The following DPYD variants were observed in gnomAD, a reference collection of about 807,000 sequenced individuals.
DPYD encodes the protein dihydropyrimidine dehydrogenase [NADP(+)].
Under a neutral mutation model 116.2 loss-of-function variants are expected in DPYD, and 109 were observed. The observed-to-expected ratio is 0.94, with a 90% CI of 0.80 to 1.10. The LOEUF is 1.10. Among genes scored for constraint, DPYD ranks in the 50% least tolerant of loss-of-function variants. The pLI, the probability that DPYD is intolerant of heterozygous loss-of-function variation, is 0.00. For missense variants in DPYD, 1,302 were observed against 1,254.5 expected (o/e 1.04, Z -0.57); for synonymous variants, 440 against 432.0 (o/e 1.02, Z -0.23).
At chr1:97,785,715 C>T (rs1372987824) in intron 3 of DPYD, among the ~76,000 whole-genome samples, 10 of 92,862 alleles carry the variant, frequency 1.1e-4, no homozygotes, top group South Asian at 3.7e-4. Flanking sequence ...TTTTTTTAGA[C>T]GGAGTCTCGC....
At chr1:97,409,434 C>G (rs1206734965) in intron 14 of DPYD, among the ~76,000 whole-genome samples, 1 of 152,060 alleles carries the variant, frequency 6.6e-6, no homozygotes, top group Non-Finnish European at 1.5e-5. Context: ...TGGTAATTTG[C>G]TGGTCCTTTT....
intron 18 of DPYD, among the ~76,000 whole-genome samples, chr1:97,240,191 G>A (rs1321792923): frequency 6.6e-6 from 1 of 150,938 alleles, no homozygotes; most frequent in Admixed American, 6.6e-5. Flanking sequence ...AGATTACTTT[G>A]ACCCCAAAGG....
intron 4 of DPYD, among the ~76,000 whole-genome samples, chr1:97,737,669 A>T (rs1172857256): frequency 6.6e-6 from 1 of 152,130 alleles, no homozygotes; most frequent in Non-Finnish European, 1.5e-5. Flanking sequence ...TCTATTGGTT[A>T]CATTTCTGCT....
intron 8 of DPYD, among the ~76,000 whole-genome samples, chr1:97,664,692 G>A (rs77661969): frequency 0.013 from 1,992 of 152,000 alleles, 21 homozygotes; most frequent in Middle Eastern, 0.024. Flanking sequence ...CATATAACTC[G>A]TTGATTTTAG....
chr1:97,667,062 C>CT (rs1390663950), intron 8 of DPYD, among the ~76,000 whole-genome samples: 2 of 152,128 alleles, frequency 1.3e-5, no homozygotes, highest in African/African-American at 4.8e-5. Flanking sequence ...TACATATACT[C>CT]TAAGACTGCT....
chr1:97,858,757 C>T (rs560345263), intron 2 of DPYD, among the ~76,000 whole-genome samples: 8 of 152,240 alleles, frequency 5.3e-5, no homozygotes, highest in African/African-American at 1.9e-4. Flanking sequence ...CTACCTAGTA[C>T]TTCATTCAAT....
intron 5 of DPYD, among the ~76,000 whole-genome samples, chr1:97,718,397 A>C (rs1458943199): frequency 6.6e-6 from 1 of 151,936 alleles, no homozygotes; most frequent in East Asian, 1.9e-4. Context: ...AAATATAAGT[A>C]AAGTGCTAAG....
chr1:97,281,654 T>C (rs1158502438), intron 18 of DPYD, among the ~76,000 whole-genome samples: 3 of 152,018 alleles, frequency 2.0e-5, no homozygotes, highest in African/African-American at 7.2e-5. Flanking sequence ...TCTCAGGAAG[T>C]TATCAAACTA....
chr1:97,719,387 T>C (rs575134969), intron 5 of DPYD, among the ~76,000 whole-genome samples: 7 of 152,046 alleles, frequency 4.6e-5, no homozygotes, highest in South Asian at 2.1e-4. Context: ...AAAAATACCA[T>C]ACTATTGTAA....
At chr1:97,607,321 G>A (rs1195724000) in intron 8 of DPYD, among the ~76,000 whole-genome samples, 1 of 151,826 alleles carries the variant, frequency 6.6e-6, no homozygotes. Context: ...CATAGCACAT[G>A]TCTTGCTCCA....
At chr1:97,286,017 G>A (rs978414850) in intron 18 of DPYD, among the ~76,000 whole-genome samples, 3 of 152,184 alleles carry the variant, frequency 2.0e-5, no homozygotes, top group Middle Eastern at 3.4e-3. Flanking sequence ...TCCTAGTCTC[G>A]ATAATCTTTA....
Position 97,415,476 on chromosome 1 carries a change from C to T in DPYD, c.1906-33015G>A, listed in dbSNP as rs186510634. On this transcript the variant is annotated intron_variant, in intron 14 of 22. Coordinates refer to ENST00000370192, the MANE Select transcript of DPYD (RefSeq NM_000110.4). ...CCGAGTAGCTGGGATTACAGGCCAC[C>T]GTGCCCAGCTAGTTTTTGTATTTTT... is the stretch of plus-strand genomic sequence containing the variant. 5.1e-3 allele frequency among the ~76,000 whole-genome samples: 779 copies of T among 152,154 alleles called. 5 individuals are homozygous for T. The highest frequency in any genetic ancestry group is 6.5e-3 in the Non-Finnish European group (442 of 68,010).
chr1:97,190,579 C>T (rs1237511650), intron 20 of DPYD, among the ~76,000 whole-genome samples: 2 of 152,128 alleles, frequency 1.3e-5, no homozygotes, highest in Non-Finnish European at 2.9e-5. Flanking sequence ...TTCTTGCAGG[C>T]ACAGATTTTA....
intron 13 of DPYD, among the ~76,000 whole-genome samples, chr1:97,486,914 G>T (rs1031316638): frequency 2.6e-5 from 4 of 151,638 alleles, no homozygotes; most frequent in Non-Finnish European, 5.9e-5. Flanking sequence ...TCACTAAATA[G>T]CATTATTAAA....
intron 20 of DPYD, among the ~76,000 whole-genome samples, chr1:97,108,103 C>T (rs190759876): frequency 6.9e-4 from 105 of 152,158 alleles, no homozygotes; most frequent in Non-Finnish European, 7.4e-4. Flanking sequence ...GCTGAGAAAA[C>T]GATTAGCAGC....
At chr1:97,382,582 G>C in intron 14 of DPYD, 121 bp from the exon 15 acceptor site, 1 of 555,408 alleles carries the variant, frequency 1.8e-6, no homozygotes. Context: ...TTTTCAAACT[G>C]TGAAAAAATA....
chr1:97,464,238 C>CAAAATAAAATAAAAT (rs145868186), intron 13 of DPYD, among the ~76,000 whole-genome samples: 5,394 of 138,608 alleles, frequency 0.039, 122 homozygotes, highest in African/African-American at 0.065. Context: ...GACTCTGTCT[C>CAAAATAAAATAAAAT]AAAATAAAAT....
intron 3 of DPYD, among the ~76,000 whole-genome samples, chr1:97,782,017 T>C (rs1314690819): frequency 6.6e-6 from 1 of 152,168 alleles, no homozygotes; most frequent in Non-Finnish European, 1.5e-5. Flanking sequence ...ATTCCAATCC[T>C]TTATTCTTTG....
chr1:97,828,168 T>C lies in DPYD; in HGVS notation c.179A>G (p.Asp60Gly). 1.2e-6 allele frequency: 2 copies of C among 1,613,616 alleles called. No individual in the cohort carries two copies. The highest frequency in any genetic ancestry group is 8.5e-7 in the Non-Finnish European group (1 of 1,179,812). Residue 60 changes from aspartate (D) to glycine (G), a missense_variant, in exon 3 of 23, where the codon GAT becomes GGT. By Grantham distance (94) the Asp-to-Gly change is moderately conservative. Transcript: ENST00000370192. ...ACCAAGAGTCGTGTGCTTGATGTCA[T>C]CAAAATTATTCTCCAGCTTCTCACA... ...FNCEKLENNF[D>G]DIKHTTLGER...
Sources: gnomAD v4.1 joint callset for allele counts (sites outside exome capture counted in the v4.1 genomes callset) on GRCh38, gnomAD v4.1.1 for gene constraint, MANE v1.5 for transcripts, NCBI Gene and HGNC (gene_info 2026-07-23, HGNC 2026-07-21) for gene names.